COL9A1: variants seen among roughly 807,000 people sequenced by gnomAD.
COL9A1 encodes collagen type IX alpha 1 chain, also known as collagen alpha-1(IX) chain.
A neutral mutation model predicts 142.6 loss-of-function variants in COL9A1; 104 were observed. The ratio of observed to expected loss-of-function variants is 0.73; its 90% CI spans 0.62 to 0.86. COL9A1 has a LOEUF of 0.86. Among genes scored for constraint, COL9A1 ranks in the 40% least tolerant of loss-of-function variants. The probability of loss-of-function intolerance (pLI) is 0.00; values close to 1 mark genes in which losing one functional copy is unlikely to be tolerated. For synonymous variants in COL9A1, 466 were observed against 396.0 expected, an observed-to-expected ratio of 1.18 and a Z score of -2.10; for missense variants, 1,210 against 1,176.6, an observed-to-expected ratio of 1.03 and a Z score of -0.42.
chr6:70,228,597 CAG>C (rs1309963693), intron 36 of COL9A1, among the ~76,000 whole-genome samples: 5 of 151,986 alleles, frequency 3.3e-5, no homozygotes, highest in Non-Finnish European at 5.9e-5. Flanking sequence ...ACAACAAAAA[CAG>C]AAAAAATATC....
intron 5 of COL9A1, among the ~76,000 whole-genome samples, chr6:70,288,215 G>A (rs887281773): frequency 1.3e-5 from 2 of 152,032 alleles, no homozygotes; most frequent in Non-Finnish European, 2.9e-5. Context: ...AATTACTCGC[G>A]CCTAAAGTAA....
chr6:70,232,612 G>C lies in COL9A1; in HGVS notation c.2474C>G (p.Pro825Arg). Residue 825 changes from proline (P) to arginine (R), a missense_variant, in exon 36 of 38, where the codon CCT becomes CGT. Pro to Arg is a moderately radical substitution (Grantham distance 103). Coordinates refer to ENST00000357250, the MANE Select transcript of COL9A1 (RefSeq NM_001851.6). ...AGGTCCCCTCAAACCAAGAGCACCAGGGGGCCCCTTAATGCCCGGAAGGCC... is the reference window on the plus strand; with the variant it reads ...AGGTCCCCTCAAACCAAGAGCACCACGGGGCCCCTTAATGCCCGGAAGGCC... Reference protein sequence around the residue: ...IRGLPGIKGPPGALGLRGPKG... With the variant: ...IRGLPGIKGPRGALGLRGPKG... 1 of 1,614,072 alleles carries C rather than the reference G, an allele frequency of 6.2e-7. No individual in the cohort carries two copies. Among genetic ancestry groups the C allele is most frequent in the Non-Finnish European group, 8.5e-7 (1 of 1,180,012 alleles).
intron 36 of COL9A1, among the ~76,000 whole-genome samples, chr6:70,230,150 A>T (rs1769459952): frequency 6.6e-6 from 1 of 152,194 alleles, no homozygotes; most frequent in African/African-American, 2.4e-5. Flanking sequence ...AATTGGTGGA[A>T]TGTTTATGCT....
At chr6:70,254,599 A>C in intron 24 of COL9A1, 70 bp from the exon 25 acceptor site, 1 of 1,425,914 alleles carries the variant, frequency 7.0e-7, no homozygotes, top group Non-Finnish European at 9.9e-7. Flanking sequence ...GAAACGGAGG[A>C]GCACAGACGT....
intron 31 of COL9A1, among the ~76,000 whole-genome samples, 167 bp from the exon 32 acceptor site, chr6:70,240,900 C>G (rs1770215587): frequency 6.6e-6 from 1 of 151,954 alleles, no homozygotes; most frequent in Non-Finnish European, 1.5e-5. Context: ...GTGGTTAGTC[C>G]CAATCAGAAA....
intron 36 of COL9A1, among the ~76,000 whole-genome samples, chr6:70,231,550 G>A (rs1018482544): frequency 3.5e-4 from 53 of 151,528 alleles, no homozygotes; most frequent in Middle Eastern, 6.8e-3. Flanking sequence ...TTAACATGAA[G>A]CTCTGAACAC....
chr6:70,220,240 T>G (rs1254418267), intron 37 of COL9A1, among the ~76,000 whole-genome samples: 2 of 152,224 alleles, frequency 1.3e-5, no homozygotes, highest in African/African-American at 4.8e-5. Context: ...GAGCCCATTT[T>G]TCTCATGCAT....
At position 70,269,341 on chromosome 6, in the gene COL9A1, G is replaced by A. The variant is rs3737010; in HGVS notation, c.1230+292C>T. On this transcript the variant is annotated intron_variant, in intron 16 of 37. Coordinates refer to ENST00000357250, the MANE Select transcript of COL9A1 (RefSeq NM_001851.6). Reference sequence around the variant, plus strand: ...TCTGTGAGTAAAACAAATCCTAGAGGAAGTTATTTGAACTCTATCTCTTTA... The same window carrying A: ...TCTGTGAGTAAAACAAATCCTAGAGAAAGTTATTTGAACTCTATCTCTTTA... 0.041 allele frequency among the ~76,000 whole-genome samples: 6,295 copies of A among 152,186 alleles called. 263 individuals are homozygous for A. Among genetic ancestry groups the A allele is most frequent in the East Asian group, 0.14 (744 of 5,168 alleles).
chr6:70,297,949 T>C (rs1456570955), intron 4 of COL9A1, among the ~76,000 whole-genome samples: 1 of 152,188 alleles, frequency 6.6e-6, no homozygotes, highest in African/African-American at 2.4e-5. Flanking sequence ...TAGTTCCATA[T>C]ACCGTAATAT....
chr6:70,225,875 C>T, intron 37 of COL9A1, 57 bp downstream of exon 37: 1 of 1,210,654 alleles, frequency 8.3e-7, no homozygotes, highest in Non-Finnish European at 1.2e-6. Context: ...TCAATTCAGG[C>T]TGTGTACTTG....
intron 35 of COL9A1, 78 bp downstream of exon 35, chr6:70,234,461 C>A: frequency 6.9e-7 from 1 of 1,441,548 alleles, no homozygotes; most frequent in Non-Finnish European, 9.8e-7. Flanking sequence ...CTTGTTTACC[C>A]TTGTGTATCT....
At chr6:70,215,168 T>G (rs1178727201), downstream of COL9A1, 3 of 152,208 alleles carry the variant, frequency 2.0e-5, no homozygotes, top group South Asian at 6.2e-4. Context: ...TTTTCAAAAG[T>G]CATATTTGAA....
intron 30 of COL9A1, 72 bp downstream of exon 30, chr6:70,241,892 A>G (rs540070643): frequency 4.1e-5 from 56 of 1,370,994 alleles, no homozygotes; most frequent in Admixed American, 1.2e-4. Flanking sequence ...GGCCAAAAGC[A>G]AGCTTTGTTT....
At chr6:70,283,022 G>C in intron 6 of COL9A1, 104 bp from the exon 7 acceptor site, 1 of 1,611,022 alleles carries the variant, frequency 6.2e-7, no homozygotes, top group Non-Finnish European at 8.5e-7. Context: ...AGCAGCCCCA[G>C]GGCCCCGCGG....
chr6:70,281,824 A>C (rs977991848), intron 7 of COL9A1, among the ~76,000 whole-genome samples: 1 of 152,154 alleles, frequency 6.6e-6, no homozygotes, highest in African/African-American at 2.4e-5. Flanking sequence ...GGCTCATTCG[A>C]TACCTCGATT....
At chr6:70,276,194 G>A (rs1772750786) in intron 10 of COL9A1, among the ~76,000 whole-genome samples, 1 of 152,096 alleles carries the variant, frequency 6.6e-6, no homozygotes, top group Non-Finnish European at 1.5e-5. Flanking sequence ...ACCTCAACAT[G>A]ATTAGTTGCT....
intron 5 of COL9A1, among the ~76,000 whole-genome samples, chr6:70,285,599 G>T (rs1773421813): frequency 6.6e-6 from 1 of 152,208 alleles, no homozygotes; most frequent in Non-Finnish European, 1.5e-5. Flanking sequence ...GTCAACATTT[G>T]TGATGTCCCA....
chr6:70,237,793 G>C (rs1252834041), intron 33 of COL9A1, among the ~76,000 whole-genome samples: 1 of 152,202 alleles, frequency 6.6e-6, no homozygotes, highest in Non-Finnish European at 1.5e-5. Flanking sequence ...TTTAGAGGCA[G>C]GTAAGTTAAT....
At chr6:70,241,522 A>C in intron 30 of COL9A1, 68 bp from the exon 31 acceptor site, 1 of 1,339,544 alleles carries the variant, frequency 7.5e-7, no homozygotes, top group Non-Finnish European at 1.1e-6. Flanking sequence ...AGTGAACCTT[A>C]TTGGGTGGGT....
Sources: allele counts gnomAD v4.1 joint callset (sites outside exome capture counted in the v4.1 genomes callset), GRCh38; gene constraint gnomAD v4.1.1; transcripts MANE v1.5; gene names NCBI Gene and HGNC (gene_info 2026-07-23, HGNC 2026-07-21).